A2M: variants seen among roughly 807,000 people sequenced by gnomAD.
A2M encodes alpha-2-macroglobulin.
In A2M, 128 loss-of-function variants were observed where a neutral mutation model predicts 183.9. The observed-to-expected ratio is 0.70, with a 90% CI of 0.60 to 0.81. The LOEUF is 0.81. Ranked by LOEUF, A2M falls within the 30% of genes least tolerant of loss-of-function variation. The probability of loss-of-function intolerance (pLI) is 0.00; values close to 1 mark genes in which losing one functional copy is unlikely to be tolerated. For synonymous variants in A2M, 592 were observed against 670.8 expected, an observed-to-expected ratio of 0.88 and a Z score of 1.81; for missense variants, 1,495 against 1,787.6, an observed-to-expected ratio of 0.84 and a Z score of 2.95.
intron 25 of A2M, among the ~76,000 whole-genome samples, chr12:9,078,114 C>T (rs1318245575): frequency 6.6e-6 from 1 of 152,064 alleles, no homozygotes; most frequent in African/African-American, 2.4e-5. Context: ...GCAGAACGTG[C>T]AGGTTTGTTA....
At position 9,110,079 on chromosome 12, in the gene A2M, A is replaced by G. The variant is rs761602064; in HGVS notation, c.505-44T>C. ...TATAACTTACAAAAGCACCTGGAGC[A>G]TTGGAGCTAATAAAAGATATCTATG... is the stretch of plus-strand genomic sequence containing the variant. On this transcript the variant is annotated intron_variant, in intron 5 of 35. Coordinates refer to ENST00000318602, the MANE Select transcript of A2M (RefSeq NM_000014.6). 10 of 1,561,856 alleles carry G rather than the reference A, an allele frequency of 6.4e-6. No homozygotes were observed. The Admixed American group carries it at 1.5e-4, about 24-fold the overall frequency.
At chr12:9,096,987 T>C (rs1949399908) in intron 15 of A2M, among the ~76,000 whole-genome samples, 1 of 152,232 alleles carries the variant, frequency 6.6e-6, no homozygotes, top group African/African-American at 2.4e-5. Flanking sequence ...AAGACACTAA[T>C]CAAAGCTTGA....
At chr12:9,102,964 A>AAT (rs1938000068) in intron 11 of A2M, among the ~76,000 whole-genome samples, 1 of 152,160 alleles carries the variant, frequency 6.6e-6, no homozygotes, top group Non-Finnish European at 1.5e-5. Flanking sequence ...ATGATTATGT[A>AAT]ATATATATTA....
At chr12:9,109,466 T>A in intron 6 of A2M, 61 bp from the exon 7 acceptor site, 1 of 1,323,310 alleles carries the variant, frequency 7.6e-7, no homozygotes, top group Non-Finnish European at 1.1e-6. Context: ...AATTCCTATT[T>A]TCAGGTTCCC....
Position 9,068,748 on chromosome 12 carries a change from T to C in A2M, c.4358A>G (p.Tyr1453Cys). The change falls in exon 34 of 36, where the codon TAC (tyrosine) becomes TGC (cysteine). Residue 1453 changes from tyrosine (Y) to cysteine (C), a missense_variant. Physicochemically the swap from Tyr to Cys is radical, Grantham distance 194 (BLOSUM62 -2). Transcript: ENST00000318602. The stretch of plus-strand genomic sequence containing the variant: ...AAATCACTCTCACTCACCCGTCTCG[T>C]AGTAATCATAGACTTTCACTATGGC... ...KPAIVKVYDY[Y>C]ETDEFAIAEY... is the part of the protein sequence containing the mutation. 1 of 1,601,320 alleles carries C rather than the reference T, an allele frequency of 6.2e-7. No homozygotes were observed. Among genetic ancestry groups the C allele is most frequent in the Non-Finnish European group, 8.5e-7 (1 of 1,172,820 alleles).
intron 19 of A2M, among the ~76,000 whole-genome samples, 189 bp downstream of exon 19, chr12:9,091,012 G>C (rs747936803): frequency 3.0e-4 from 46 of 152,050 alleles, no homozygotes; most frequent in Non-Finnish European, 5.1e-4. Flanking sequence ...AACTTTGAAG[G>C]GTTATAAGGG....
At chr12:9,102,786 C>T (rs1464416213) in intron 11 of A2M, among the ~76,000 whole-genome samples, 1 of 152,164 alleles carries the variant, frequency 6.6e-6, no homozygotes, top group Non-Finnish European at 1.5e-5. Context: ...TCAAGACTAG[C>T]ACAGTGCTGG....
rs1354170298 is a variant in A2M at position 9,099,416 on chromosome 12, C to T, written c.1666G>A (p.Ala556Thr). The T allele has an allele frequency of 1.3e-6, 2 of 1,573,126 alleles. No individual in the cohort carries two copies. The highest frequency in any genetic ancestry group is 3.8e-5 in the Admixed American group (2 of 53,082). ...LPTGDVIGDS[A>T]KYDVENCLAN... ...AGACAATTTTCAACATCATATTTTG[C>T]AGAATCCCCAATCACGTCCCCGGTA... is the stretch of plus-strand genomic sequence containing the variant. Residue 556 changes from alanine (A) to threonine (T), a missense_variant, in exon 14 of 36, where the codon GCA (alanine) becomes ACA (threonine). Coordinates refer to ENST00000318602, the MANE Select transcript of A2M (RefSeq NM_000014.6).
rs112252904 is a variant in A2M, at chr12:9,098,759, G to A, written c.1702-3C>T. 3.1e-6 allele frequency: 5 copies of A among 1,612,270 alleles called. No homozygotes were observed. The highest frequency in any genetic ancestry group is 4.2e-6 in the Non-Finnish European group (5 of 1,179,464). ...GATGGGCTGAAGCTCAAATCCACCT[G>A]TGAAATTGGAACAAAAGGTCAGAAA... is the stretch of plus-strand genomic sequence containing the variant. On this transcript the variant is annotated splice_polypyrimidine_tract_variant and splice_region_variant and intron_variant, in intron 14 of 35. Transcript: ENST00000318602.
chr12:9,099,336 C>T (rs778659468), intron 14 of A2M, 45 bp downstream of exon 14: 36 of 1,517,232 alleles, frequency 2.4e-5, no homozygotes, highest in Non-Finnish European at 3.1e-5. Context: ...ACAATAGTAA[C>T]TTCTAGTTTT....
At chr12:9,078,935 T>C (rs763750979) in intron 25 of A2M, among the ~76,000 whole-genome samples, 8 of 152,340 alleles carry the variant, frequency 5.3e-5, no homozygotes, top group African/African-American at 1.9e-4. Flanking sequence ...GGAAGTTATA[T>C]ATGTTCACTG....
chr12:9,107,949 C>T (rs1938430905), intron 7 of A2M, among the ~76,000 whole-genome samples: 1 of 151,580 alleles, frequency 6.6e-6, no homozygotes, highest in Non-Finnish European at 1.5e-5. Flanking sequence ...AGAAACAATA[C>T]CAGCAAGACG....
At chr12:9,070,614 T>G in intron 31 of A2M, 36 bp from the exon 32 acceptor site, 1 of 1,468,140 alleles carries the variant, frequency 6.8e-7, no homozygotes, top group Non-Finnish European at 9.5e-7. Context: ...TAGGGTTTTC[T>G]GTGTTTTTAA....
chr12:9,092,947 T>A lies in A2M; in HGVS notation c.2240+518A>T, dbSNP rs755149742. 2.6e-5 allele frequency among the ~76,000 whole-genome samples: 4 copies of A among 152,326 alleles called. No individual in the cohort carries two copies. The East Asian group carries it at 7.7e-4, about 29-fold the overall frequency. On this transcript the variant is annotated intron_variant, in intron 18 of 35. Transcript: ENST00000318602. ...CTTAAGTGGAAGAAGATCCTGCCACTTGTGACAACATGGATGAACCTGGGG... is the reference window on the plus strand; with the variant it reads ...CTTAAGTGGAAGAAGATCCTGCCACATGTGACAACATGGATGAACCTGGGG...
intron 31 of A2M, among the ~76,000 whole-genome samples, chr12:9,071,066 C>T (rs182475432): frequency 1.1e-4 from 17 of 151,968 alleles, no homozygotes; most frequent in Admixed American, 2.0e-4. Context: ...GTAATCTGCC[C>T]GCCTTGGCCT....
At chr12:9,073,067 C>G (rs777932569) in intron 29 of A2M, among the ~76,000 whole-genome samples, 196 bp from the exon 30 acceptor site, 6 of 152,184 alleles carry the variant, frequency 3.9e-5, no homozygotes, top group Non-Finnish European at 5.9e-5. Flanking sequence ...CTACCTTGGA[C>G]TGTATGCCCT....
intron 18 of A2M, among the ~76,000 whole-genome samples, chr12:9,092,469 G>A (rs1488209863): frequency 6.6e-6 from 1 of 152,106 alleles, no homozygotes; most frequent in African/African-American, 2.4e-5. Flanking sequence ...ATTTCTGGCT[G>A]TCTCCTAAGG....
At chr12:9,078,455 G>A (rs1292198538) in intron 25 of A2M, among the ~76,000 whole-genome samples, 2 of 152,108 alleles carry the variant, frequency 1.3e-5, no homozygotes, top group African/African-American at 2.4e-5. Flanking sequence ...GAGCATTTGG[G>A]TTAGTTCCAT....
intron 22 of A2M, among the ~76,000 whole-genome samples, chr12:9,080,916 A>G (rs1948891329): frequency 6.6e-6 from 1 of 152,174 alleles, no homozygotes; most frequent in Non-Finnish European, 1.5e-5. Context: ...TGGCTAAGCA[A>G]AATAAAATGC....
Sources: allele counts gnomAD v4.1 joint callset (sites outside exome capture counted in the v4.1 genomes callset), GRCh38; gene constraint gnomAD v4.1.1; transcripts MANE v1.5; gene names NCBI Gene and HGNC (gene_info 2026-07-23, HGNC 2026-07-21).